The following PLEKHM1 variants were observed in gnomAD, a reference collection of about 807,000 sequenced individuals.
The protein encoded by PLEKHM1 is pleckstrin homology domain-containing family M member 1.
Under a neutral mutation model 94.3 loss-of-function variants are expected in PLEKHM1, and 28 were observed. That is an observed-to-expected ratio of 0.30 (90% CI 0.22 to 0.41). PLEKHM1 has a LOEUF of 0.41. Among genes scored for constraint, PLEKHM1 ranks in the 10% least tolerant of loss-of-function variants. The pLI, the probability that PLEKHM1 is intolerant of heterozygous loss-of-function variation, is 1.00. For synonymous variants in PLEKHM1, 424 were observed against 581.2 expected (o/e 0.73, Z 3.89); for missense variants, 907 against 1,358.6 (o/e 0.67, Z 5.22).
chr17:45,452,629 A>T (rs2050805309), intron 7 of PLEKHM1, among the ~76,000 whole-genome samples: 1 of 151,852 alleles, frequency 6.6e-6, no homozygotes, highest in African/African-American at 2.4e-5. Context: ...CAGCTGGCCC[A>T]GTGCCCAGCA....
At chr17:45,483,108 C>T (rs182618312) in intron 1 of PLEKHM1, among the ~76,000 whole-genome samples, 5,554 of 151,700 alleles carry the variant, frequency 0.037, 334 homozygotes, top group African/African-American at 0.12. Flanking sequence ...ATTTGGGCTT[C>T]GAGGGTCTGG....
At chr17:45,447,688 CCTA>C (rs1250854477) in intron 8 of PLEKHM1, among the ~76,000 whole-genome samples, 1 of 152,176 alleles carries the variant, frequency 6.6e-6, no homozygotes, top group African/African-American at 2.4e-5. Flanking sequence ...CCGTGGGCCC[CCTA>C]CTTTCTATCT....
Position 45,453,922 on chromosome 17 carries a change from G to T in PLEKHM1, c.1930C>A (p.Pro644Thr), listed in dbSNP as rs775203514. The change falls in exon 7 of 12, where the codon CCT (proline) becomes ACT (threonine). Residue 644 changes from proline to threonine, a missense_variant. Pro to Thr is a conservative substitution (Grantham distance 38, BLOSUM62 -1). Coordinates refer to ENST00000430334, the MANE Select transcript of PLEKHM1 (RefSeq NM_014798.3). The surrounding 1 kb of genome is among the most constrained non-coding windows in gnomAD (Gnocchi z 4.1). ...TGGGGCGCCTCGGGGGGTTCCTCAG[G>T]CTGGTCTGGGTACTGCACGTTCACC... ...EWVNVQYPDQPEEPPEAPQGC... is the reference protein window; with the variant it reads ...EWVNVQYPDQTEEPPEAPQGC... 1.2e-6 allele frequency: 2 copies of T among 1,613,802 alleles called. No homozygotes were observed. Among genetic ancestry groups the T allele is most frequent in the Non-Finnish European group, 1.7e-6 (2 of 1,179,744 alleles).
intron 9 of PLEKHM1, among the ~76,000 whole-genome samples, chr17:45,442,837 C>T (rs2050490282): frequency 6.6e-6 from 1 of 152,288 alleles, no homozygotes; most frequent in South Asian, 2.1e-4. Context: ...GGCCCTGCAC[C>T]TGAAGCCCAG....
intron 4 of PLEKHM1, among the ~76,000 whole-genome samples, 186 bp downstream of exon 4, chr17:45,474,914 C>T (rs2051662246): frequency 6.6e-6 from 1 of 152,146 alleles, no homozygotes; most frequent in Non-Finnish European, 1.5e-5. Context: ...CTCCACTATG[C>T]CTGTATTGCC....
chr17:45,465,918 C>T (rs1255480271), intron 5 of PLEKHM1, among the ~76,000 whole-genome samples: 1 of 151,972 alleles, frequency 6.6e-6, no homozygotes, highest in Non-Finnish European at 1.5e-5. Context: ...CTTAGTGCCA[C>T]TCTGGAGTCC....
chr17:45,436,361 C>T lies in PLEKHM1; in HGVS notation c.*1497G>A, dbSNP rs780090954. The stretch of plus-strand genomic sequence containing the variant: ...TGTGCCATGACCGGGAGAAGCTGTG[C>T]GCAGCCTCCACCTGCCTGCCACCGT... On this transcript the variant is annotated 3_prime_UTR_variant, in exon 12 of 12. Transcript: ENST00000430334. 7 of 454,040 alleles carry T rather than the reference C, an allele frequency of 1.5e-5. No individual in the cohort carries two copies. Among genetic ancestry groups the T allele is most frequent in the African/African-American group, 6.0e-5 (3 of 50,010 alleles). The allele number at this position is 454,040 out of a possible 1,614,324, so 28.1% of individuals were successfully genotyped here. A position where few individuals can be genotyped will look rare whatever the true frequency, so the allele number is the denominator to read the frequency against.
At position 45,445,420 on chromosome 17, in the gene PLEKHM1, C is replaced by A. The variant is rs755458241; in HGVS notation, c.2837+50G>T. 7 of 1,513,826 alleles carry A rather than the reference C, an allele frequency of 4.6e-6. No homozygotes were observed. Among genetic ancestry groups the A allele is most frequent in the Non-Finnish European group, 6.4e-6 (7 of 1,089,298 alleles). The allele number at this position is 1,513,826 out of a possible 1,614,324, so 93.8% of individuals were successfully genotyped here. A position where few individuals can be genotyped will look rare whatever the true frequency, so the allele number is the denominator to read the frequency against. On this transcript the variant is annotated intron_variant, in intron 9 of 11. Transcript: ENST00000430334. This position sits in a 1 kb window ranked among gnomAD's most constrained non-coding sequence, Gnocchi z 4.2. ...ATATAAGTATGTGTTTGTGTGCATGCATGTGCGTGTGTACGTGCACTCACA... is the reference window on the plus strand; with the variant it reads ...ATATAAGTATGTGTTTGTGTGCATGAATGTGCGTGTGTACGTGCACTCACA...
intron 5 of PLEKHM1, chr17:45,460,377 G>A (rs2051116649): frequency 1.3e-5 from 2 of 151,684 alleles, no homozygotes; most frequent in African/African-American, 4.8e-5. Flanking sequence ...CTGCTGCCTC[G>A]GCCTCCCGAG....
rs1401634066 is a variant in PLEKHM1 at position 45,453,271 on chromosome 17, G to A, written c.2497+84C>T. The A allele has an allele frequency of 4.2e-6, 6 of 1,414,058 alleles. No individual in the cohort carries two copies. The Admixed American group carries it at 5.9e-5, about 14-fold the overall frequency. 87.6% of individuals were successfully genotyped at this position (1,414,058 alleles called of 1,614,324 possible). A position where few individuals can be genotyped will look rare whatever the true frequency, so the allele number is the denominator to read the frequency against. The stretch of plus-strand genomic sequence containing the variant: ...GGATGGGGGCATTTGCGGGGAGGCA[G>A]AAGGGTGGGGAGCCTAAATCAGGAA... On this transcript the variant is annotated intron_variant, in intron 7 of 11. Coordinates refer to ENST00000430334, the MANE Select transcript of PLEKHM1 (RefSeq NM_014798.3). This position sits in a 1 kb window ranked among gnomAD's most constrained non-coding sequence, Gnocchi z 4.1.
chr17:45,466,464 T>C (rs2521819), intron 5 of PLEKHM1, among the ~76,000 whole-genome samples: 113,147 of 152,068 alleles, frequency 0.74, 42,555 homozygotes, highest in African/African-American at 0.83. Flanking sequence ...AAGTCAAGCC[T>C]TATAGACTAG....
At chr17:45,459,282 CT>C (rs2145243646) in intron 5 of PLEKHM1, 1 of 152,398 alleles carries the variant, frequency 6.6e-6, no homozygotes, top group African/African-American at 2.4e-5. Flanking sequence ...CCCATTTCCC[CT>C]GGCCACTCTC....
rs56192752 is a variant in PLEKHM1, at chr17:45,477,887, A to G, written c.296+13T>C. ...CTCCTCCGCAAAGCAAAACCTCTCC[A>G]GCTAAATCTCACTTGTGGGTGACAG... On this transcript the variant is annotated intron_variant, in intron 3 of 11. Coordinates refer to ENST00000430334, the MANE Select transcript of PLEKHM1 (RefSeq NM_014798.3). 252,546 of 1,611,060 alleles carry G rather than the reference A, an allele frequency of 0.16. 20,443 individuals are homozygous for G. The highest frequency in any genetic ancestry group is 0.19 in the Middle Eastern group (1,174 of 6,038).
intron 3 of PLEKHM1, chr17:45,475,967 A>T (rs1234684230): frequency 6.8e-6 from 4 of 588,172 alleles, no homozygotes; most frequent in Admixed American, 5.2e-5. Context: ...GGGCAACAGG[A>T]CGAAACTCTG....
chr17:45,437,326 C>T lies in PLEKHM1; in HGVS notation c.*532G>A, dbSNP rs1003792180. The T allele has an allele frequency of 6.8e-5, 31 of 454,184 alleles. No homozygotes were observed. The highest frequency in any genetic ancestry group is 5.4e-4 in the African/African-American group (27 of 50,144). 28.1% of individuals were successfully genotyped at this position (454,184 alleles called of 1,614,324 possible). ...CCCTGTCCCAGCAGTGGCCTGCCCA[C>T]CAGCCACCCGCTACCTCTAAGCCAG... On this transcript the variant is annotated 3_prime_UTR_variant, in exon 12 of 12. Coordinates refer to ENST00000430334, the MANE Select transcript of PLEKHM1 (RefSeq NM_014798.3). The surrounding 1 kb of genome is among the most constrained non-coding windows in gnomAD (Gnocchi z 4.0).
chr17:45,488,061 A>G (rs966205727), intron 1 of PLEKHM1, among the ~76,000 whole-genome samples: 55 of 152,204 alleles, frequency 3.6e-4, no homozygotes, highest in African/African-American at 1.2e-3. Flanking sequence ...TGATGGGTGG[A>G]GTGGTGGGGG....
intron 7 of PLEKHM1, among the ~76,000 whole-genome samples, chr17:45,452,474 T>C (rs2050801217): frequency 1.3e-5 from 2 of 151,102 alleles, no homozygotes; most frequent in Non-Finnish European, 2.9e-5. Flanking sequence ...TGCCACTTAC[T>C]AGCTGTGTGA....
At chr17:45,466,524 T>G (rs1456370394) in intron 5 of PLEKHM1, among the ~76,000 whole-genome samples, 2 of 152,202 alleles carry the variant, frequency 1.3e-5, no homozygotes, top group African/African-American at 4.8e-5. Context: ...AAGACTTATA[T>G]CTGTAATATA....
chr17:45,468,627 G>A (rs774033725), intron 4 of PLEKHM1, 34 bp from the exon 5 acceptor site: 1 of 1,613,140 alleles, frequency 6.2e-7, no homozygotes, highest in Non-Finnish European at 8.5e-7. Flanking sequence ...CTGTGTGACA[G>A]GTTGTCTGCG....
Sources: gnomAD v4.1 joint callset for allele counts (sites outside exome capture counted in the v4.1 genomes callset) on GRCh38, gnomAD v4.1.1 for gene constraint, Gnocchi (gnomAD v3.1) non-coding constraint, MANE v1.5 for transcripts, NCBI Gene and HGNC (gene_info 2026-07-23, HGNC 2026-07-21) for gene names.